ELMO1: variants seen among roughly 807,000 people sequenced by gnomAD.
ELMO1 encodes the protein engulfment and cell motility protein 1.
In ELMO1, 26 loss-of-function variants were observed where a neutral mutation model predicts 98.9. The ratio of observed to expected loss-of-function variants is 0.26; its 90% CI spans 0.19 to 0.36. ELMO1 has a LOEUF of 0.36. Among genes scored for constraint, ELMO1 ranks in the 10% least tolerant of loss-of-function variants. The probability of loss-of-function intolerance (pLI) is 1.00; values close to 1 mark genes in which losing one functional copy is unlikely to be tolerated. For synonymous variants in ELMO1, 346 were observed against 346.0 expected (o/e 1.00, Z 0.00); for missense variants, 627 against 935.2 (o/e 0.67, Z 4.30).
At chr7:37,433,535 G>A (rs1303463212) in intron 1 of ELMO1, among the ~76,000 whole-genome samples, 2 of 152,032 alleles carry the variant, frequency 1.3e-5, no homozygotes, top group African/African-American at 4.8e-5. Context: ...AGACACCTCT[G>A]GCATGACTTC....
At chr7:37,368,792 T>C (rs756844388) in intron 1 of ELMO1, among the ~76,000 whole-genome samples, 1 of 152,220 alleles carries the variant, frequency 6.6e-6, no homozygotes, top group Non-Finnish European at 1.5e-5. Flanking sequence ...ACTTTGTTAC[T>C]TATTTGCACA....
chr7:37,332,900 T>C (rs975286879), intron 2 of ELMO1, among the ~76,000 whole-genome samples: 1 of 152,142 alleles, frequency 6.6e-6, no homozygotes. Flanking sequence ...GCTGTTATGC[T>C]ACTGAAGCCA....
rs138016588 is a variant in ELMO1 at position 36,943,736 on chromosome 7, A to G, written c.1438-48719T>C. Reference sequence around the variant, plus strand: ...ACTTTTAGTTTTCAGAACGCTTTGCACTTTTGTTTTCAATTGCAGAACATA... The same window carrying G: ...ACTTTTAGTTTTCAGAACGCTTTGCGCTTTTGTTTTCAATTGCAGAACATA... On this transcript the variant is annotated intron_variant, in intron 16 of 21. Transcript: ENST00000310758. 9.2e-5 allele frequency among the ~76,000 whole-genome samples: 14 copies of G among 152,344 alleles called. No individual in the cohort carries two copies. The East Asian group carries it at 2.7e-3, about 29-fold the overall frequency.
chr7:37,367,585 G>A (rs1442562707), intron 1 of ELMO1, among the ~76,000 whole-genome samples: 1 of 152,216 alleles, frequency 6.6e-6, no homozygotes, highest in African/African-American at 2.4e-5. Context: ...TTCACTAAGT[G>A]TGTGACATGG....
chr7:36,996,489 G>A (rs745647641), intron 16 of ELMO1, among the ~76,000 whole-genome samples: 2 of 152,164 alleles, frequency 1.3e-5, no homozygotes, highest in Non-Finnish European at 2.9e-5. Flanking sequence ...GTTCTTAGGG[G>A]TAGAGTCAAG....
At chr7:36,995,293 A>C (rs1792126118) in intron 16 of ELMO1, among the ~76,000 whole-genome samples, 1 of 152,162 alleles carries the variant, frequency 6.6e-6, no homozygotes, top group African/African-American at 2.4e-5. Context: ...GCAGATCATG[A>C]GGTCAGGAGA....
chr7:37,203,728 G>T (rs767823380), intron 13 of ELMO1, among the ~76,000 whole-genome samples: 1 of 151,778 alleles, frequency 6.6e-6, no homozygotes, highest in Non-Finnish European at 1.5e-5. Context: ...TTAGGACCCA[G>T]GCGGCAAGGG....
intron 15 of ELMO1, among the ~76,000 whole-genome samples, chr7:37,046,891 A>G (rs1163401360): frequency 6.6e-6 from 1 of 152,198 alleles, no homozygotes; most frequent in Non-Finnish European, 1.5e-5. Flanking sequence ...AATCCTTTTC[A>G]AGCTTGTGAA....
At position 36,918,972 on chromosome 7, in the gene ELMO1, C is replaced by CTTCA. The variant is rs59162769; in HGVS notation, c.1438-23959_1438-23956dup. Reference sequence around the variant, plus strand: ...AATCTATAAGAGCAAGCAAGCATGCCTTCATTCATTCATTCATTCATTCAG... The same window carrying CTTCA: ...AATCTATAAGAGCAAGCAAGCATGCCTTCATTCATTCATTCATTCATTCATTCAG... On this transcript the variant is annotated intron_variant, in intron 16 of 21. Coordinates refer to ENST00000310758, the MANE Select transcript of ELMO1 (RefSeq NM_014800.11). Among the ~76,000 whole-genome samples the CTTCA allele has an allele frequency of 6.5e-3, 986 of 151,796 alleles. 14 individuals carry two copies. Among genetic ancestry groups the CTTCA allele is most frequent in the African/African-American group, 0.02 (836 of 41,410 alleles).
chr7:36,931,929 C>T (rs1786082567), intron 16 of ELMO1, among the ~76,000 whole-genome samples: 2 of 152,190 alleles, frequency 1.3e-5, no homozygotes, highest in African/African-American at 4.8e-5. Context: ...ATATCTTTCT[C>T]TCTTTAAGGA....
At chr7:37,292,600 G>A (rs1583473174) in intron 4 of ELMO1, among the ~76,000 whole-genome samples, 2 of 114,426 alleles carry the variant, frequency 1.7e-5, no homozygotes, top group Non-Finnish European at 4.1e-5. Context: ...CTGCCCTGCT[G>A]CCCCGTCCGG....
At chr7:37,385,603 C>T (rs867170873) in intron 1 of ELMO1, among the ~76,000 whole-genome samples, 1 of 152,176 alleles carries the variant, frequency 6.6e-6, no homozygotes, top group Non-Finnish European at 1.5e-5. Flanking sequence ...CATTTGTTTA[C>T]TTGTTTATTT....
chr7:37,114,991 A>C (rs142037070), intron 14 of ELMO1, among the ~76,000 whole-genome samples: 3 of 152,300 alleles, frequency 2.0e-5, no homozygotes, highest in Non-Finnish European at 4.4e-5. Context: ...CAAAAATCTG[A>C]TAATGTAAAT....
rs747851553 is a variant in ELMO1, at chr7:36,855,408, G to C, written c.*143C>G. ...CAGCTAGGGGCTGAAAGTTGCCAGG[G>C]CTAGAGGTGATGCTGAAGGGAATGT... On this transcript the variant is annotated 3_prime_UTR_variant, in exon 22 of 22. Transcript: ENST00000310758. This position sits in a 1 kb window ranked among gnomAD's most constrained non-coding sequence, Gnocchi z 4.2. 6 of 1,065,706 alleles carry C rather than the reference G, an allele frequency of 5.6e-6. No homozygotes were observed. The highest frequency in any genetic ancestry group is 8.4e-6 in the Non-Finnish European group (6 of 716,652). 66.0% of individuals were successfully genotyped at this position (1,065,706 alleles called of 1,614,324 possible). A position where few individuals can be genotyped will look rare whatever the true frequency, so the allele number is the denominator to read the frequency against.
intron 4 of ELMO1, among the ~76,000 whole-genome samples, chr7:37,293,688 C>A (rs1200247136): frequency 1.6e-5 from 1 of 63,158 alleles, no homozygotes; most frequent in Non-Finnish European, 3.9e-5. Context: ...AAATCCCCCT[C>A]TGTAAGAAAC....
chr7:37,109,366 G>A (rs1228830588), intron 14 of ELMO1, among the ~76,000 whole-genome samples: 1 of 152,176 alleles, frequency 6.6e-6, no homozygotes, highest in Non-Finnish European at 1.5e-5. Flanking sequence ...AAAACATTTG[G>A]CAAGTATTTG....
intron 1 of ELMO1, among the ~76,000 whole-genome samples, chr7:37,360,424 T>TA (rs1237639158): frequency 6.2e-4 from 89 of 142,538 alleles, no homozygotes; most frequent in African/African-American, 1.3e-3. Context: ...AACTGAAATT[T>TA]TAAAAAAAAA....
At chr7:36,969,116 G>A (rs1357322025) in intron 16 of ELMO1, among the ~76,000 whole-genome samples, 1 of 151,430 alleles carries the variant, frequency 6.6e-6, no homozygotes, top group Non-Finnish European at 1.5e-5. Flanking sequence ...CTCAGTGGAG[G>A]GTATCAATTC....
intron 4 of ELMO1, among the ~76,000 whole-genome samples, chr7:37,294,508 A>G (rs1797932424): frequency 6.6e-6 from 1 of 152,196 alleles, no homozygotes; most frequent in African/African-American, 2.4e-5. Flanking sequence ...CCACTTTGAA[A>G]AGCAGTAAAG....
Sources: gnomAD v4.1 joint callset for allele counts (sites outside exome capture counted in the v4.1 genomes callset) on GRCh38, gnomAD v4.1.1 for gene constraint, Gnocchi (gnomAD v3.1) non-coding constraint, MANE v1.5 for transcripts, NCBI Gene and HGNC (gene_info 2026-07-23, HGNC 2026-07-21) for gene names.